Variants in DNAJC1 observed in about 807,000 individuals in gnomAD.
DNAJC1 encodes dnaJ homolog subfamily C member 1.
DNAJC1 carries 58 observed loss-of-function variants against 76.6 expected under a neutral mutation model. That is an observed-to-expected ratio of 0.76 (90% CI 0.61 to 0.94). The LOEUF (loss-of-function observed/expected upper bound fraction) is 0.94, where lower values mean the gene tolerates loss of function less well. Among genes scored for constraint, DNAJC1 ranks in the 40% least tolerant of loss-of-function variants. The pLI, the probability that DNAJC1 is intolerant of heterozygous loss-of-function variation, is 0.00. For missense variants in DNAJC1, 689 were observed against 677.3 expected, an observed-to-expected ratio of 1.02 and a Z score of -0.19; for synonymous variants, 258 against 267.9, an observed-to-expected ratio of 0.96 and a Z score of 0.36.
intron 10 of DNAJC1, among the ~76,000 whole-genome samples, chr10:21,760,558 G>A (rs1031828199): frequency 2.0e-5 from 3 of 152,208 alleles, no homozygotes; most frequent in Non-Finnish European, 4.4e-5. Flanking sequence ...ATTTGGACAC[G>A]GGGCGTGGGA....
At chr10:21,977,375 G>A (rs1838083440) in intron 1 of DNAJC1, among the ~76,000 whole-genome samples, 1 of 152,088 alleles carries the variant, frequency 6.6e-6, no homozygotes, top group Non-Finnish European at 1.5e-5. Context: ...ACAACTATTA[G>A]CAGGTTTTCT....
Position 21,972,075 on chromosome 10 carries a change from G to C in DNAJC1, c.222+31138C>G, listed in dbSNP as rs115565735. 5.6e-3 allele frequency among the ~76,000 whole-genome samples: 855 copies of C among 151,864 alleles called. 5 individuals are homozygous for C. Among genetic ancestry groups the C allele is most frequent in the African/African-American group, 0.019 (798 of 41,516 alleles). ...TGATATGGAGTGTGACCTAGTCTTTGTTTTGCTTTCAAGGGGACTTTTGTA... is the reference window on the plus strand; with the variant it reads ...TGATATGGAGTGTGACCTAGTCTTTCTTTTGCTTTCAAGGGGACTTTTGTA... On this transcript the variant is annotated intron_variant, in intron 1 of 11. Transcript: ENST00000376980.
chr10:21,756,813 TC>T, intron 11 of DNAJC1, 58 bp from the exon 12 acceptor site: 1 of 1,528,414 alleles, frequency 6.5e-7, no homozygotes, highest in Non-Finnish European at 9.0e-7. Context: ...AGTGTGGTCA[TC>T]ATGTGGCCGG....
At position 21,762,123 on chromosome 10, in the gene DNAJC1, C is replaced by G. The variant is rs1311556577; in HGVS notation, c.1148-2505G>C. On this transcript the variant is annotated intron_variant, in intron 10 of 11. Transcript: ENST00000376980. ...CCAGCTAATTTTTGTATTTATAGAA[C>G]AGACGAGGTTTCACCATGTTGGCCA... 2.6e-5 allele frequency among the ~76,000 whole-genome samples: 4 copies of G among 152,040 alleles called. No homozygotes were observed. The East Asian group carries it at 7.7e-4, about 29-fold the overall frequency.
At chr10:21,958,738 T>G (rs965581126) in intron 1 of DNAJC1, among the ~76,000 whole-genome samples, 2 of 152,114 alleles carry the variant, frequency 1.3e-5, no homozygotes, top group African/African-American at 4.8e-5. Flanking sequence ...GATTTGCCTT[T>G]TCTAGGCATT....
intron 8 of DNAJC1, among the ~76,000 whole-genome samples, chr10:21,819,628 G>A (rs1270074398): frequency 6.6e-6 from 1 of 151,910 alleles, no homozygotes; most frequent in Non-Finnish European, 1.5e-5. Flanking sequence ...TTTTTATTGA[G>A]ATCTAATTAG....
intron 8 of DNAJC1, among the ~76,000 whole-genome samples, chr10:21,808,825 C>A (rs1452366159): frequency 2.6e-5 from 4 of 152,188 alleles, no homozygotes; most frequent in Admixed American, 2.0e-4. Flanking sequence ...GCCAAATATT[C>A]ATCTCTACAG....
In DNAJC1 at chr10:21,781,185, A is replaced by G. The variant is rs192374150; in HGVS notation, c.1099-14876T>C. Among the ~76,000 whole-genome samples, 18 of 152,296 alleles carry G rather than the reference A, an allele frequency of 1.2e-4. No homozygotes were observed. In the East Asian group the frequency reaches 2.7e-3, roughly 23 times the overall value. On this transcript the variant is annotated intron_variant, in intron 9 of 11. Coordinates refer to ENST00000376980, the MANE Select transcript of DNAJC1 (RefSeq NM_022365.4). ...CCCACTGTCAACATTAGACAGATCA[A>G]AGAGACAGAAAGTTAACAAGGATAT...
At chr10:21,840,980 C>G (rs531732996) in intron 8 of DNAJC1, among the ~76,000 whole-genome samples, 4 of 152,278 alleles carry the variant, frequency 2.6e-5, no homozygotes, top group South Asian at 4.1e-4. Context: ...TTTGACAAAC[C>G]TGACAAAAAC....
At chr10:21,939,185 G>T (rs115375860) in intron 1 of DNAJC1, among the ~76,000 whole-genome samples, 1 of 152,048 alleles carries the variant, frequency 6.6e-6, no homozygotes, top group African/African-American at 2.4e-5. Flanking sequence ...CACCGCTCCC[G>T]GCCCGCTCAA....
chr10:21,759,120 T>G (rs772315681), intron 11 of DNAJC1, 50 bp downstream of exon 11: 1 of 1,550,416 alleles, frequency 6.4e-7, no homozygotes, highest in South Asian at 1.3e-5. Context: ...CTGTGGCTCC[T>G]CTGGTGGGAT....
intron 1 of DNAJC1, among the ~76,000 whole-genome samples, chr10:21,932,650 A>G (rs1837248119): frequency 6.6e-6 from 1 of 152,216 alleles, no homozygotes; most frequent in East Asian, 1.9e-4. Flanking sequence ...CTTGTTCTCA[A>G]AGAGCTGTGG....
At chr10:21,761,599 A>G (rs1834242278) in intron 10 of DNAJC1, among the ~76,000 whole-genome samples, 1 of 152,078 alleles carries the variant, frequency 6.6e-6, no homozygotes, top group South Asian at 2.1e-4. Flanking sequence ...TATAAAAACT[A>G]CAAAAAGGAA....
intron 8 of DNAJC1, among the ~76,000 whole-genome samples, chr10:21,807,914 A>G (rs747380942): frequency 6.6e-6 from 1 of 152,222 alleles, no homozygotes; most frequent in African/African-American, 2.4e-5. Flanking sequence ...AGGAAAAAAG[A>G]ATTATTCTTA....
chr10:21,871,694 C>T (rs1836107018), intron 8 of DNAJC1, among the ~76,000 whole-genome samples: 1 of 152,004 alleles, frequency 6.6e-6, no homozygotes, highest in Non-Finnish European at 1.5e-5. Context: ...GTCATCCAGG[C>T]TGGAGTGCAG....
chr10:21,786,621 C>A (rs906094537), intron 9 of DNAJC1, among the ~76,000 whole-genome samples: 11 of 151,746 alleles, frequency 7.2e-5, no homozygotes, highest in African/African-American at 2.7e-4. Flanking sequence ...GCGTAGCAGG[C>A]GTGCGCCACC....
chr10:21,787,378 G>T (rs56328322), intron 9 of DNAJC1, among the ~76,000 whole-genome samples: 8,769 of 150,744 alleles, frequency 0.058, 585 homozygotes, highest in African/African-American at 0.16. Context: ...GAGAGGAAGA[G>T]AAAAAAGAAG....
At chr10:21,956,192 G>C (rs1223695677) in intron 1 of DNAJC1, among the ~76,000 whole-genome samples, 1 of 152,158 alleles carries the variant, frequency 6.6e-6, no homozygotes, top group African/African-American at 2.4e-5. Context: ...GAGGGACAAA[G>C]AAGGGAAGAG....
At chr10:21,899,408 T>G (rs1005359323) in intron 7 of DNAJC1, among the ~76,000 whole-genome samples, 7 of 152,302 alleles carry the variant, frequency 4.6e-5, no homozygotes, top group African/African-American at 1.7e-4. Flanking sequence ...GAATTACAGC[T>G]GGCCAACAGC....
Sources: allele counts gnomAD v4.1 joint callset (sites outside exome capture counted in the v4.1 genomes callset), GRCh38; gene constraint gnomAD v4.1.1; transcripts MANE v1.5; gene names NCBI Gene and HGNC (gene_info 2026-07-23, HGNC 2026-07-21).